The following DESI2 variants were observed in gnomAD, a reference collection of about 807,000 sequenced individuals.
DESI2 encodes the protein desumoylating isopeptidase 2.
Under a neutral mutation model 24.1 loss-of-function variants are expected in DESI2, and 10 were observed. The ratio of observed to expected loss-of-function variants is 0.41; its 90% CI spans 0.26 to 0.70. The LOEUF is 0.70. Ranked by LOEUF, DESI2 falls within the 30% of genes least tolerant of loss-of-function variation. The probability of loss-of-function intolerance (pLI) is 0.29; values close to 1 mark genes in which losing one functional copy is unlikely to be tolerated. For synonymous variants in DESI2, 71 were observed against 87.7 expected (o/e 0.81, Z 1.06); for missense variants, 122 against 234.9 (o/e 0.52, Z 3.14).
intron 1 of DESI2, among the ~76,000 whole-genome samples, chr1:244,680,412 A>G (rs1317961690): frequency 6.6e-6 from 1 of 152,048 alleles, no homozygotes; most frequent in Non-Finnish European, 1.5e-5. Context: ...CCTGGGCAAC[A>G]GAGCCAAACC....
intron 4 of DESI2, among the ~76,000 whole-genome samples, chr1:244,697,406 G>A (rs1677260019): frequency 2.6e-5 from 4 of 151,392 alleles, no homozygotes; most frequent in Admixed American, 2.6e-4. Flanking sequence ...CTACTCAGGA[G>A]GTGGAAGTTA....
At chr1:244,661,345 T>G (rs1675832958) in intron 1 of DESI2, among the ~76,000 whole-genome samples, 1 of 152,230 alleles carries the variant, frequency 6.6e-6, no homozygotes, top group Admixed American at 6.5e-5. Context: ...CAGAATTTCC[T>G]TCCTTTTTAA....
Position 244,679,513 on chromosome 1 carries a change from A to G in DESI2, c.43-7084A>G, listed in dbSNP as rs145895911. 2.2e-3 allele frequency among the ~76,000 whole-genome samples: 338 copies of G among 152,364 alleles called. 1 individual carries two copies. The highest frequency in any genetic ancestry group is 7.9e-3 in the African/African-American group (327 of 41,588). On this transcript the variant is annotated intron_variant, in intron 1 of 4. Transcript: ENST00000302550. ...TCCTACACTCTGTCACACACAGATC[A>G]CATAGAAAGTAAGTCACAAACATAG...
At chr1:244,659,944 T>C (rs1473408749) in intron 1 of DESI2, among the ~76,000 whole-genome samples, 2 of 152,144 alleles carry the variant, frequency 1.3e-5, no homozygotes, top group African/African-American at 2.4e-5. Flanking sequence ...ATTTGAAAAA[T>C]ACAACTCAGA....
intron 3 of DESI2, among the ~76,000 whole-genome samples, chr1:244,690,646 G>A (rs916657115): frequency 6.6e-6 from 1 of 151,808 alleles, no homozygotes; most frequent in African/African-American, 2.4e-5. Flanking sequence ...CAGAGGATGC[G>A]GTGAGCTGAG....
intron 1 of DESI2, among the ~76,000 whole-genome samples, chr1:244,685,298 G>A (rs1558661549): frequency 6.6e-6 from 1 of 151,984 alleles, no homozygotes; most frequent in Non-Finnish European, 1.5e-5. Flanking sequence ...AGACACACTA[G>A]AATTTTTATA....
intron 1 of DESI2, among the ~76,000 whole-genome samples, chr1:244,683,447 G>A (rs534404748): frequency 6.6e-6 from 1 of 151,944 alleles, no homozygotes; most frequent in South Asian, 2.1e-4. Context: ...GAGTAGCTGG[G>A]ACTACAAGTG....
chr1:244,680,033 T>TG (rs1279082644), intron 1 of DESI2, among the ~76,000 whole-genome samples: 1 of 54,750 alleles, frequency 1.8e-5, no homozygotes, highest in Non-Finnish European at 4.4e-5. Context: ...TTTTTTTTTT[T>TG]TTTAAACAAA....
At chr1:244,655,713 G>A (rs770639740) in intron 1 of DESI2, among the ~76,000 whole-genome samples, 3 of 152,192 alleles carry the variant, frequency 2.0e-5, no homozygotes, top group Non-Finnish European at 4.4e-5. Context: ...TTGAAGAATG[G>A]GTAGCATCCA....
In DESI2 at chr1:244,660,895, T is replaced by C. The variant is rs111697373; in HGVS notation, c.42+7540T>C. Among the ~76,000 whole-genome samples, 608 of 152,334 alleles carry C rather than the reference T, an allele frequency of 4.0e-3. 2 individuals carry two copies. Among genetic ancestry groups the C allele is most frequent in the African/African-American group, 0.014 (571 of 41,580 alleles). On this transcript the variant is annotated intron_variant, in intron 1 of 4. Transcript: ENST00000302550. ...TTTTAATTATTATACTTTCACGTTA[T>C]ATTTGGAATCTGATTAGGCCAGTTT...
intron 4 of DESI2, 88 bp from the exon 5 acceptor site, chr1:244,705,468 C>A: frequency 1.8e-6 from 2 of 1,123,344 alleles, no homozygotes; most frequent in African/African-American, 1.5e-5. Context: ...CTGTACGCCG[C>A]CCCCCTCCTC....
intron 1 of DESI2, among the ~76,000 whole-genome samples, chr1:244,665,623 G>A (rs986769238): frequency 6.6e-6 from 1 of 152,196 alleles, no homozygotes. Context: ...CTTTTTAGAT[G>A]TAACAATTTT....
rs183941350 is a variant in DESI2, at chr1:244,678,891, A to C, written c.43-7706A>C. Among the ~76,000 whole-genome samples the C allele has an allele frequency of 7.7e-4, 118 of 152,360 alleles. 1 individual carries two copies. In the Middle Eastern group the frequency reaches 0.037, roughly 48 times the overall value. On this transcript the variant is annotated intron_variant, in intron 1 of 4. Transcript: ENST00000302550. ...TATACAGACCAAATTATTGGTTGCAAACTGTATAAACAATGGGATTTCTCA... is the reference window on the plus strand; with the variant it reads ...TATACAGACCAAATTATTGGTTGCACACTGTATAAACAATGGGATTTCTCA...
intron 1 of DESI2, among the ~76,000 whole-genome samples, chr1:244,675,123 T>A (rs960785961): frequency 1.3e-5 from 2 of 152,194 alleles, no homozygotes; most frequent in Non-Finnish European, 2.9e-5. Context: ...TTTTTTTAGA[T>A]CCTTTGCCCA....
At chr1:244,674,410 G>A (rs1676348425) in intron 1 of DESI2, among the ~76,000 whole-genome samples, 1 of 149,340 alleles carries the variant, frequency 6.7e-6, no homozygotes, top group South Asian at 2.1e-4. Flanking sequence ...GTACAATTCA[G>A]TGAATTTTAG....
rs557292103 is a variant in DESI2 at position 244,703,928 on chromosome 1, GA to G, written c.352-1626del. Among the ~76,000 whole-genome samples, 89 of 152,130 alleles carry G rather than the reference GA, an allele frequency of 5.9e-4. No individual in the cohort carries two copies. The East Asian group carries it at 0.012, about 20-fold the overall frequency. ...CCGCCTCGGCCTCCCAAAGTGCTGG[GA>G]ATTACAGGTGTGAGCCACCGCGCTG... On this transcript the variant is annotated intron_variant, in intron 4 of 4. Transcript: ENST00000302550.
chr1:244,675,530 A>C (rs1243920817), intron 1 of DESI2, among the ~76,000 whole-genome samples: 1 of 152,192 alleles, frequency 6.6e-6, no homozygotes, highest in Non-Finnish European at 1.5e-5. Context: ...ATTTGTTGAA[A>C]AGACTCTTCT....
chr1:244,654,343 GT>G, intron 1 of DESI2, among the ~76,000 whole-genome samples: 1 of 152,298 alleles, frequency 6.6e-6, no homozygotes, highest in Admixed American at 6.5e-5. Flanking sequence ...CGTTATTTTT[GT>G]TGGCTTAAAG....
chr1:244,692,029 A>C lies in DESI2; in HGVS notation c.351+9A>C. The stretch of plus-strand genomic sequence containing the variant: ...CTTCAGCTTTATCAGAGGTAAGCTA[A>C]ATTTTATCCTAAAAGTTCTTCAAAT... On this transcript the variant is annotated intron_variant, in intron 4 of 4. Transcript: ENST00000302550. 3.2e-6 allele frequency: 5 copies of C among 1,582,602 alleles called. No individual in the cohort carries two copies. Among genetic ancestry groups the C allele is most frequent in the Non-Finnish European group, 4.3e-6 (5 of 1,168,824 alleles).
Sources: gnomAD v4.1 joint callset for allele counts (sites outside exome capture counted in the v4.1 genomes callset) on GRCh38, gnomAD v4.1.1 for gene constraint, MANE v1.5 for transcripts, NCBI Gene and HGNC (gene_info 2026-07-23, HGNC 2026-07-21) for gene names.